Variants in PAM observed in about 807,000 individuals in gnomAD.
PAM encodes the protein peptidyl-glycine alpha-amidating monooxygenase.
PAM carries 72 observed loss-of-function variants against 122.1 expected under a neutral mutation model. The ratio of observed to expected loss-of-function variants is 0.59; its 90% confidence interval spans 0.49 to 0.72. The LOEUF (loss-of-function observed/expected upper bound fraction) is 0.72, where lower values mean the gene tolerates loss of function less well. PAM is among the 30% of genes least tolerant of loss of function. PAM has a pLI of 0.00. For synonymous variants in PAM, 389 were observed against 404.4 expected (o/e 0.96, Z 0.46); for missense variants, 1,106 against 1,183.7 (o/e 0.93, Z 0.96).
At chr5:102,944,826 C>A (rs762062308) in intron 7 of PAM, among the ~76,000 whole-genome samples, 2 of 152,082 alleles carry the variant, frequency 1.3e-5, no homozygotes, top group Non-Finnish European at 2.9e-5. Context: ...CTAGTTCAGA[C>A]CCTTCTGAGA....
At position 103,021,541 on chromosome 5, in the gene PAM, A is replaced by G. The variant is rs539180249; in HGVS notation, c.2485+1698A>G. Among the ~76,000 whole-genome samples, 4 of 152,172 alleles carry G rather than the reference A, an allele frequency of 2.6e-5. No individual in the cohort carries two copies. In the East Asian group the frequency reaches 5.8e-4, roughly 22 times the overall value. Reference sequence around the variant, plus strand: ...TCCTGTGTGCACACCACTGAGTCCAATTGGTCAGAAACCTTCCGACTTTGT... The same window carrying G: ...TCCTGTGTGCACACCACTGAGTCCAGTTGGTCAGAAACCTTCCGACTTTGT... On this transcript the variant is annotated intron_variant, in intron 23 of 25. Transcript: ENST00000438793.
At position 102,925,590 on chromosome 5, in the gene PAM, C is replaced by T. The variant is rs188631311; in HGVS notation, c.442+548C>T. On this transcript the variant is annotated intron_variant, in intron 6 of 25. Coordinates refer to ENST00000438793, the MANE Select transcript of PAM (RefSeq NM_001177306.2). The stretch of plus-strand genomic sequence containing the variant: ...GTCTGTCGTGGTTCATGGATGATCT[C>T]GTGATACACATGCACCTCTCTTTCC... Among the ~76,000 whole-genome samples, 17 of 152,228 alleles carry T rather than the reference C, an allele frequency of 1.1e-4. No homozygotes were observed. The East Asian group carries it at 3.1e-3, about 28-fold the overall frequency.
chr5:102,795,550 A>C (rs1011711775), intron 1 of PAM, among the ~76,000 whole-genome samples: 1 of 152,198 alleles, frequency 6.6e-6, no homozygotes, highest in Non-Finnish European at 1.5e-5. Flanking sequence ...TTCCTTGTTT[A>C]TTAACTAAAT....
intron 1 of PAM, among the ~76,000 whole-genome samples, chr5:102,777,902 G>A (rs1402133926): frequency 6.6e-6 from 1 of 152,162 alleles, no homozygotes; most frequent in Non-Finnish European, 1.5e-5. Flanking sequence ...ACATGGGGTG[G>A]TTCTATGTAT....
intron 1 of PAM, among the ~76,000 whole-genome samples, chr5:102,828,089 A>G (rs1036197895): frequency 2.0e-5 from 3 of 152,102 alleles, no homozygotes; most frequent in Non-Finnish European, 4.4e-5. Context: ...CTATAATCTC[A>G]GCACTTTAGG....
At chr5:102,975,907 G>A (rs1034787509) in intron 15 of PAM, among the ~76,000 whole-genome samples, 1 of 152,146 alleles carries the variant, frequency 6.6e-6, no homozygotes, top group Non-Finnish European at 1.5e-5. Context: ...GGCATCAAGA[G>A]TGTCAGTGTC....
intron 12 of PAM, among the ~76,000 whole-genome samples, chr5:102,952,742 C>T (rs770414572): frequency 2.0e-5 from 3 of 152,102 alleles, no homozygotes; most frequent in Non-Finnish European, 2.9e-5. Flanking sequence ...GCAAAACCTC[C>T]ATAGATGATT....
intron 5 of PAM, among the ~76,000 whole-genome samples, chr5:102,924,151 G>C (rs1293787407): frequency 2.0e-5 from 3 of 152,082 alleles, no homozygotes; most frequent in Non-Finnish European, 4.4e-5. Context: ...CTTAAGAGAG[G>C]CTGGGCGCAG....
Position 102,990,396 on chromosome 5 carries a change from T to C in PAM, c.1608T>C (p.Asp536=). 1 of 1,584,242 alleles carries C rather than the reference T, an allele frequency of 6.3e-7. No individual in the cohort carries two copies. The highest frequency in any genetic ancestry group is 1.2e-5 in the South Asian group (1 of 85,996). Residue 536 remains aspartate (D), a synonymous_variant, in exon 16 of 26, where the codon GAT becomes GAC. Coordinates refer to ENST00000438793, the MANE Select transcript of PAM (RefSeq NM_001177306.2). ...VIFHRGDHVW[D]GNSFDSKFVY... is the part of the protein sequence containing the mutation. ...TCCACAGAGGTGACCATGTCTGGGA[T>C]GGAAAGTAAGTAATATTTTTTCTTC... is the stretch of plus-strand genomic sequence containing the variant.
chr5:102,942,572 T>A (rs1465810345), intron 7 of PAM, among the ~76,000 whole-genome samples: 1 of 151,318 alleles, frequency 6.6e-6, no homozygotes, highest in Non-Finnish European at 1.5e-5. Flanking sequence ...ATTATTTGCT[T>A]CCAAATTTTC....
chr5:103,018,162 A>C (rs1392287380), intron 22 of PAM, among the ~76,000 whole-genome samples: 2 of 152,026 alleles, frequency 1.3e-5, no homozygotes, highest in Admixed American at 6.5e-5. Context: ...AAAACATGGC[A>C]GGGCCCAAAT....
At chr5:102,756,539 C>T (rs549919880) in intron 1 of PAM, among the ~76,000 whole-genome samples, 2 of 152,318 alleles carry the variant, frequency 1.3e-5, no homozygotes, top group African/African-American at 4.8e-5. Context: ...AGGATACTTT[C>T]ATTTTAGTAA....
chr5:102,828,252 T>A (rs1774260266), intron 1 of PAM, among the ~76,000 whole-genome samples: 1 of 151,192 alleles, frequency 6.6e-6, no homozygotes, highest in East Asian at 1.9e-4. Context: ...GAGGCTGAGG[T>A]GGGAGGATTG....
At chr5:102,871,197 A>G (rs1334440227) in intron 3 of PAM, among the ~76,000 whole-genome samples, 1 of 152,172 alleles carries the variant, frequency 6.6e-6, no homozygotes, top group African/African-American at 2.4e-5. Flanking sequence ...CTTCTGTAGA[A>G]AGGATAATAA....
At chr5:102,845,559 C>T (rs1352161759) in intron 1 of PAM, among the ~76,000 whole-genome samples, 4 of 152,178 alleles carry the variant, frequency 2.6e-5, no homozygotes, top group African/African-American at 9.7e-5. Flanking sequence ...AATCCGATGG[C>T]TCCATTTTCA....
chr5:102,792,035 C>G (rs913379786), intron 1 of PAM, among the ~76,000 whole-genome samples: 2 of 152,094 alleles, frequency 1.3e-5, no homozygotes, highest in African/African-American at 4.8e-5. Context: ...TGGACTATTG[C>G]TCAGATTTGT....
At chr5:102,778,724 G>A (rs1302429760) in intron 1 of PAM, among the ~76,000 whole-genome samples, 1 of 152,126 alleles carries the variant, frequency 6.6e-6, no homozygotes, top group African/African-American at 2.4e-5. Context: ...TTACATGGAA[G>A]ATTGCATAGA....
At chr5:102,944,816 C>G (rs1756514816) in intron 7 of PAM, among the ~76,000 whole-genome samples, 1 of 152,108 alleles carries the variant, frequency 6.6e-6, no homozygotes, top group Non-Finnish European at 1.5e-5. Flanking sequence ...CTGTATCTAG[C>G]TAGTTCAGAC....
intron 3 of PAM, chr5:102,873,872 T>C (rs1414297706): frequency 6.6e-6 from 1 of 152,192 alleles, no homozygotes; most frequent in Non-Finnish European, 1.5e-5. Flanking sequence ...CTATTTTTTT[T>C]CTCCTTTCAG....
Sources: gnomAD v4.1 joint callset for allele counts (sites outside exome capture counted in the v4.1 genomes callset) on GRCh38, gnomAD v4.1.1 for gene constraint, MANE v1.5 for transcripts, NCBI Gene and HGNC (gene_info 2026-07-23, HGNC 2026-07-21) for gene names.